Variants in FRMD5 observed in about 807,000 individuals in gnomAD.
FRMD5 encodes FERM domain-containing protein 5.
Under a neutral mutation model 69.0 loss-of-function variants are expected in FRMD5, and 20 were observed. That is an observed-to-expected ratio of 0.29 (90% CI 0.20 to 0.42). The LOEUF is 0.42. FRMD5 is among the 10% of genes least tolerant of loss of function. The pLI is 1.00. For missense variants in FRMD5, 595 were observed against 708.6 expected (o/e 0.84, Z 1.82); for synonymous variants, 271 against 260.1 (o/e 1.04, Z -0.40).
At chr15:43,881,171 T>G (rs1292385074) in intron 13 of FRMD5, among the ~76,000 whole-genome samples, 2 of 152,190 alleles carry the variant, frequency 1.3e-5, no homozygotes, top group Admixed American at 6.5e-5. Context: ...CTAGCTTCCC[T>G]AGGGTGAGCC....
intron 1 of FRMD5, among the ~76,000 whole-genome samples, chr15:44,074,505 T>G (rs954599263): frequency 2.6e-5 from 4 of 152,098 alleles, no homozygotes. Context: ...GAATTTTTTT[T>G]TTGTTTTTTT....
At chr15:44,138,176 C>T (rs2077215324) in intron 1 of FRMD5, among the ~76,000 whole-genome samples, 1 of 151,868 alleles carries the variant, frequency 6.6e-6, no homozygotes, top group African/African-American at 2.4e-5. Context: ...ACCACGATTA[C>T]CAATAAAATC....
intron 1 of FRMD5, among the ~76,000 whole-genome samples, chr15:44,024,355 G>A (rs1255284350): frequency 6.6e-6 from 1 of 151,902 alleles, no homozygotes; most frequent in Non-Finnish European, 1.5e-5. Context: ...TGAGTCACAG[G>A]GTATGATAAC....
chr15:44,155,312 G>C (rs2077509472), intron 1 of FRMD5, among the ~76,000 whole-genome samples: 1 of 151,672 alleles, frequency 6.6e-6, no homozygotes, highest in South Asian at 2.1e-4. Context: ...CGTGCCTGTA[G>C]TCCCAGCTAC....
intron 1 of FRMD5, chr15:43,989,842 G>T: frequency 9.8e-7 from 1 of 1,023,262 alleles, no homozygotes; most frequent in Non-Finnish European, 1.5e-6. Context: ...CTTGTGGTTG[G>T]CCTTGGGGCT....
chr15:43,900,455 G>A (rs985400970), intron 7 of FRMD5, among the ~76,000 whole-genome samples: 1 of 152,158 alleles, frequency 6.6e-6, no homozygotes, highest in African/African-American at 2.4e-5. Context: ...AGCAGGCTGT[G>A]CTAGTGGATA....
chr15:43,914,266 C>T (rs564274237), intron 4 of FRMD5, among the ~76,000 whole-genome samples: 66 of 152,234 alleles, frequency 4.3e-4, no homozygotes, highest in African/African-American at 1.6e-3. Context: ...GAGTTTTTTC[C>T]AGAAGATCCT....
At chr15:43,973,704 T>C (rs1475297340) in intron 1 of FRMD5, among the ~76,000 whole-genome samples, 3 of 152,122 alleles carry the variant, frequency 2.0e-5, no homozygotes, top group Non-Finnish European at 4.4e-5. Context: ...ATATTGAGCA[T>C]GATACTCCAA....
At chr15:43,905,679 T>G in intron 6 of FRMD5, 149 bp downstream of exon 6, 3 of 976,934 alleles carry the variant, frequency 3.1e-6, no homozygotes, top group Admixed American at 2.3e-5. Flanking sequence ...AGTGTATCAC[T>G]GACAATGGTA....
chr15:43,969,486 A>C (rs956045707), intron 1 of FRMD5, among the ~76,000 whole-genome samples: 4 of 152,218 alleles, frequency 2.6e-5, no homozygotes, highest in Non-Finnish European at 5.9e-5. Context: ...TACCATGCCC[A>C]GTTCTATGTG....
chr15:43,995,393 A>G (rs1287036144), intron 1 of FRMD5, among the ~76,000 whole-genome samples: 1 of 152,194 alleles, frequency 6.6e-6, no homozygotes, highest in Non-Finnish European at 1.5e-5. Flanking sequence ...CCTGATTTCA[A>G]AGAGGATGGC....
intron 1 of FRMD5, among the ~76,000 whole-genome samples, chr15:43,951,933 A>C (rs1477968756): frequency 6.7e-6 from 1 of 150,350 alleles, no homozygotes; most frequent in East Asian, 1.9e-4. Context: ...AAGGGGACAC[A>C]TTTTTTTGGG....
chr15:43,918,514 G>A (rs1451778606), intron 4 of FRMD5, among the ~76,000 whole-genome samples: 1 of 152,150 alleles, frequency 6.6e-6, no homozygotes, highest in Non-Finnish European at 1.5e-5. Context: ...GGATCTAGGA[G>A]TGGATCTCAA....
intron 7 of FRMD5, among the ~76,000 whole-genome samples, chr15:43,895,126 G>T (rs1034283480): frequency 4.6e-5 from 7 of 152,188 alleles, no homozygotes; most frequent in African/African-American, 1.7e-4. Context: ...CTAGTTAGCT[G>T]AGTTTGTTGA....
At chr15:43,907,809 T>G (rs1008822615) in intron 5 of FRMD5, among the ~76,000 whole-genome samples, 1 of 152,096 alleles carries the variant, frequency 6.6e-6, no homozygotes, top group African/African-American at 2.4e-5. Context: ...CCAGGCCTAA[T>G]TTTTAAATTT....
intron 1 of FRMD5, among the ~76,000 whole-genome samples, chr15:44,066,562 GA>G (rs1470143061): frequency 2.0e-5 from 3 of 152,134 alleles, no homozygotes; most frequent in African/African-American, 7.2e-5. Context: ...GGTGTTCACG[GA>G]AAAATGAGTT....
chr15:44,104,115 T>C (rs1395882930), intron 1 of FRMD5, among the ~76,000 whole-genome samples: 2 of 152,232 alleles, frequency 1.3e-5, no homozygotes, highest in Non-Finnish European at 2.9e-5. Context: ...AAGACAGTGA[T>C]AATGATGATC....
intron 1 of FRMD5, among the ~76,000 whole-genome samples, chr15:44,100,053 T>G (rs1305054086): frequency 6.7e-6 from 1 of 150,052 alleles, no homozygotes; most frequent in Admixed American, 6.6e-5. Context: ...TTCTCTTTTT[T>G]TTTTTTTTTT....
intron 1 of FRMD5, among the ~76,000 whole-genome samples, chr15:44,175,616 T>C (rs2077881127): frequency 6.6e-6 from 1 of 152,132 alleles, no homozygotes; most frequent in South Asian, 2.1e-4. Context: ...TCTAGGTATA[T>C]ACCTAAGTAA....
Sources: allele counts gnomAD v4.1 joint callset (sites outside exome capture counted in the v4.1 genomes callset), GRCh38; gene constraint gnomAD v4.1.1; transcripts MANE v1.5; gene names NCBI Gene and HGNC (gene_info 2026-07-23, HGNC 2026-07-21).